Variants in MYT1L observed in about 807,000 individuals in gnomAD.
MYT1L encodes myelin transcription factor 1 like, also known as myelin transcription factor 1-like protein.
In MYT1L, 12 loss-of-function variants were observed where a neutral mutation model predicts 126.7. That is an observed-to-expected ratio of 0.09 (90% CI 0.06 to 0.15). The LOEUF (loss-of-function observed/expected upper bound fraction) is 0.15, where lower values mean the gene tolerates loss of function less well. MYT1L is among the 10% of genes least tolerant of loss of function. MYT1L has a pLI of 1.00. For synonymous variants in MYT1L, 541 were observed against 604.2 expected, an observed-to-expected ratio of 0.90 and a Z score of 1.53; for missense variants, 979 against 1,585.2, an observed-to-expected ratio of 0.62 and a Z score of 6.49.
chr2:2,022,659 C>T (rs1242295953), intron 4 of MYT1L, among the ~76,000 whole-genome samples: 2 of 151,582 alleles, frequency 1.3e-5, no homozygotes, highest in African/African-American at 4.9e-5. Context: ...TCCTTTCTTT[C>T]GTTCCTGCTC....
intron 9 of MYT1L, among the ~76,000 whole-genome samples, chr2:1,924,716 G>A (rs1229076566): frequency 3.9e-5 from 6 of 152,178 alleles, no homozygotes; most frequent in Non-Finnish European, 8.8e-5. Flanking sequence ...ATCGCTAATT[G>A]TGTGAAACAA....
intron 3 of MYT1L, among the ~76,000 whole-genome samples, chr2:2,079,645 A>G (rs2075604546): frequency 6.6e-6 from 1 of 152,270 alleles, no homozygotes; most frequent in South Asian, 2.1e-4. Context: ...GTCTATTAAA[A>G]ATACACAAAA....
chr2:1,892,388 C>T, intron 14 of MYT1L, 101 bp from the exon 15 acceptor site: 3 of 1,449,964 alleles, frequency 2.1e-6, no homozygotes, highest in Non-Finnish European at 9.1e-7. Flanking sequence ...CCACACACAG[C>T]CGCGTGGGAC....
intron 4 of MYT1L, among the ~76,000 whole-genome samples, chr2:2,003,924 T>G (rs1200160522): frequency 6.6e-6 from 1 of 152,092 alleles, no homozygotes; most frequent in Non-Finnish European, 1.5e-5. Flanking sequence ...CTTTCGTGCA[T>G]GCCTTCTTTC....
intron 3 of MYT1L, among the ~76,000 whole-genome samples, chr2:2,095,788 C>G (rs2077393088): frequency 6.6e-6 from 1 of 152,198 alleles, no homozygotes; most frequent in Non-Finnish European, 1.5e-5. Context: ...CGGGCACCCC[C>G]TGACCGCTCA....
intron 21 of MYT1L, among the ~76,000 whole-genome samples, chr2:1,820,413 G>C (rs575695832): frequency 2.0e-5 from 3 of 152,132 alleles, no homozygotes; most frequent in Non-Finnish European, 4.4e-5. Flanking sequence ...CCTCTGTGTG[G>C]TTGGCTATGA....
chr2:2,098,491 T>A (rs2077693294), intron 3 of MYT1L, among the ~76,000 whole-genome samples: 1 of 152,326 alleles, frequency 6.6e-6, no homozygotes, highest in South Asian at 2.1e-4. Flanking sequence ...GGCTGTTTTC[T>A]AGACCAGTAG....
intron 2 of MYT1L, among the ~76,000 whole-genome samples, chr2:2,196,064 G>A (rs953487747): frequency 1.3e-5 from 2 of 151,948 alleles, no homozygotes; most frequent in Non-Finnish European, 2.9e-5. Context: ...ATTTCAAGGG[G>A]GGATAAATAC....
chr2:2,125,330 C>A (rs1282544109), intron 3 of MYT1L, among the ~76,000 whole-genome samples: 1 of 152,180 alleles, frequency 6.6e-6, no homozygotes, highest in East Asian at 1.9e-4. Context: ...TATTGAAGAT[C>A]TATTTCTGAT....
intron 3 of MYT1L, among the ~76,000 whole-genome samples, chr2:2,077,617 A>G (rs2075361915): frequency 6.6e-6 from 1 of 152,226 alleles, no homozygotes; most frequent in South Asian, 2.1e-4. Flanking sequence ...TACAAGGCAG[A>G]GTCAATAAAA....
chr2:1,864,639 G>A (rs527240817), intron 18 of MYT1L, among the ~76,000 whole-genome samples: 223 of 152,310 alleles, frequency 1.5e-3, no homozygotes, highest in Non-Finnish European at 2.6e-3. Context: ...TCAGGGTCTG[G>A]GAGGGCAGGG....
At chr2:1,993,141 C>T (rs1451562265) in intron 5 of MYT1L, among the ~76,000 whole-genome samples, 1 of 152,208 alleles carries the variant, frequency 6.6e-6, no homozygotes, top group Admixed American at 6.5e-5. Flanking sequence ...TAATGAAACT[C>T]CAGCCTCCCA....
chr2:2,052,808 T>C (rs964931561), intron 4 of MYT1L, among the ~76,000 whole-genome samples: 8 of 152,140 alleles, frequency 5.3e-5, no homozygotes, highest in South Asian at 4.1e-4. Context: ...ATGGAGAAAT[T>C]GGAATCCTTG....
intron 8 of MYT1L, among the ~76,000 whole-genome samples, chr2:1,956,047 A>T (rs945338610): frequency 1.4e-5 from 2 of 145,366 alleles, no homozygotes; most frequent in African/African-American, 5.4e-5. Flanking sequence ...CTATGTATCT[A>T]TGTATCTATC....
At chr2:1,976,119 C>CA (rs10622987) in intron 8 of MYT1L, among the ~76,000 whole-genome samples, 32,169 of 104,142 alleles carry the variant, frequency 0.31, 4,343 homozygotes, top group East Asian at 0.36. Context: ...GTTAAAAGAC[C>CA]AAAAAAAAAA....
In MYT1L at chr2:1,887,494, A is replaced by G; in HGVS notation, c.2636T>C (p.Leu879Ser). 6.2e-7 allele frequency: 1 copy of G among 1,614,026 alleles called. No individual in the cohort carries two copies. Among genetic ancestry groups the G allele is most frequent in the Non-Finnish European group, 8.5e-7 (1 of 1,179,892 alleles). The change falls in exon 17 of 25, where the codon TTA becomes TCA. Residue 879 changes from leucine (L) to serine (S), a missense_variant. Leu to Ser is a moderately radical substitution (Grantham distance 145). Transcript: ENST00000647738. This position sits in a 1 kb window ranked among gnomAD's most constrained non-coding sequence, Gnocchi z 4.8. ...YPQCKESKKD[L>S]ITLSGCPLAD... ...CACCTCACAGCATGCTTACGTTATTAAGTCCTTTTTGCTCTCCTTGCACTG... is the reference window on the plus strand; with the variant it reads ...CACCTCACAGCATGCTTACGTTATTGAGTCCTTTTTGCTCTCCTTGCACTG...
At chr2:2,079,492 A>G (rs1298697245) in intron 3 of MYT1L, among the ~76,000 whole-genome samples, 1 of 152,232 alleles carries the variant, frequency 6.6e-6, no homozygotes, top group Non-Finnish European at 1.5e-5. Context: ...TTTCATGACA[A>G]TGAAAGGACC....
chr2:1,860,756 A>C (rs886967427), intron 18 of MYT1L, among the ~76,000 whole-genome samples: 1 of 152,128 alleles, frequency 6.6e-6, no homozygotes, highest in African/African-American at 2.4e-5. Context: ...TCACTCTCAG[A>C]GGCAAGGACT....
chr2:1,890,133 G>A (rs1438923460), intron 15 of MYT1L, among the ~76,000 whole-genome samples: 12 of 151,028 alleles, frequency 7.9e-5, no homozygotes, highest in Non-Finnish European at 1.5e-4. Flanking sequence ...GCAGTGGCAC[G>A]ACCTGGGCTC....
Sources: gnomAD v4.1 joint callset for allele counts (sites outside exome capture counted in the v4.1 genomes callset) on GRCh38, gnomAD v4.1.1 for gene constraint, Gnocchi (gnomAD v3.1) non-coding constraint, MANE v1.5 for transcripts, NCBI Gene and HGNC (gene_info 2026-07-23, HGNC 2026-07-21) for gene names.